DNAI4: variants seen among roughly 807,000 people sequenced by gnomAD.
The protein encoded by DNAI4 is dynein axonemal intermediate chain 4.
In DNAI4, 85 loss-of-function variants were observed where a neutral mutation model predicts 105.8. The observed-to-expected ratio is 0.80, with a 90% CI of 0.67 to 0.96. DNAI4 has a LOEUF of 0.96. Ranked by LOEUF, DNAI4 falls within the 40% of genes least tolerant of loss-of-function variation. The pLI is 0.00. For synonymous variants in DNAI4, 352 were observed against 331.5 expected, an observed-to-expected ratio of 1.06 and a Z score of -0.67; for missense variants, 1,014 against 1,005.6, an observed-to-expected ratio of 1.01 and a Z score of -0.11.
chr1:66,829,777 T>C (rs554175714), intron 13 of DNAI4, among the ~76,000 whole-genome samples: 60 of 152,324 alleles, frequency 3.9e-4, no homozygotes, highest in African/African-American at 1.4e-3. Flanking sequence ...TTTTCTCAAG[T>C]ATACAGGGAA....
chr1:66,847,507 T>C lies in DNAI4; in HGVS notation c.1268A>G (p.Tyr423Cys), dbSNP rs1356420783. Residue 423 changes from tyrosine (Y) to cysteine (C), a missense_variant, in exon 8 of 17, where the codon TAT becomes TGT. Tyr to Cys is a radical substitution (Grantham distance 194). Transcript: ENST00000371026. The part of the protein sequence containing the change: ...ENIFQPKLAA[Y>C]RQLPVLKEPE... Reference sequence around the variant, plus strand: ...ACCTTTTAAAACAGGAAGCTGACGATAAGCTGCAAGTTTGGGCTGAAATAT... The same window carrying C: ...ACCTTTTAAAACAGGAAGCTGACGACAAGCTGCAAGTTTGGGCTGAAATAT... 6.2e-7 allele frequency: 1 copy of C among 1,613,256 alleles called. No homozygotes were observed. The highest frequency in any genetic ancestry group is 2.2e-5 in the East Asian group (1 of 44,838).
Position 66,871,372 on chromosome 1 carries a change from T to G in DNAI4, c.938A>C (p.Lys313Thr), listed in dbSNP as rs1226869489. 1.2e-6 allele frequency: 2 copies of G among 1,604,254 alleles called. No homozygotes were observed. Among genetic ancestry groups the G allele is most frequent in the African/African-American group, 2.7e-5 (2 of 74,660 alleles). The change falls in exon 6 of 17, where the codon AAA (lysine) becomes ACA (threonine). Residue 313 changes from lysine to threonine, a missense_variant and splice_region_variant. Physicochemically the swap from Lys to Thr is moderately conservative, Grantham distance 78. Coordinates refer to ENST00000371026, the MANE Select transcript of DNAI4 (RefSeq NM_024763.5). ...TCAAGCAGAATGATAGAAATTACCTTTATCTTCCATTATGATTTTATCACA... is the reference window on the plus strand; with the variant it reads ...TCAAGCAGAATGATAGAAATTACCTGTATCTTCCATTATGATTTTATCACA... The part of the protein sequence containing the change: ...VQCDKIIMED[K>T]GIMSTAWDLY...
chr1:66,848,571 TATAG>T (rs991563222), intron 7 of DNAI4, among the ~76,000 whole-genome samples: 4 of 152,236 alleles, frequency 2.6e-5, no homozygotes, highest in African/African-American at 9.6e-5. Context: ...TCTTTATCTT[TATAG>T]ATAGAGGGAG....
rs1247785133 is a variant in DNAI4 at position 66,916,094 on chromosome 1, A to AAG, written c.170+8567_170+8568insCT. ...AGCAAGACTCTGTCTAAAAAAAAAAAAAAAAAAAGAATCCCATATGGTAAA... is the reference window on the plus strand; with the variant it reads ...AGCAAGACTCTGTCTAAAAAAAAAAAAGAAAAAAAAGAATCCCATATGGTAAA... On this transcript the variant is annotated intron_variant, in intron 1 of 16. Transcript: ENST00000371026. Among the ~76,000 whole-genome samples, 8 of 151,610 alleles carry AAG rather than the reference A, an allele frequency of 5.3e-5. No individual in the cohort carries two copies. In the East Asian group the frequency reaches 1.6e-3, roughly 29 times the overall value.
intron 1 of DNAI4, among the ~76,000 whole-genome samples, chr1:66,906,135 C>G (rs1013133578): frequency 6.6e-5 from 10 of 151,934 alleles, no homozygotes; most frequent in African/African-American, 2.4e-4. Context: ...GTTGGCCAGG[C>G]TAGTCTCAAA....
rs57920483 is a variant in DNAI4 at position 66,816,727 on chromosome 1, T to TCA, written c.2497-2549_2497-2548dup. On this transcript the variant is annotated intron_variant, in intron 16 of 16. Transcript: ENST00000371026. ...AAAATTATTCTTACCAGCCTTGAAA[T>TCA]CACACACACACACACACACACACAC... Among the ~76,000 whole-genome samples, 1,112 of 137,748 alleles carry TCA rather than the reference T, an allele frequency of 8.1e-3. 10 individuals carry two copies. The highest frequency in any genetic ancestry group is 0.026 in the Middle Eastern group (7 of 274). The allele number at this position is 137,748 out of a possible 152,430, so 90.4% of individuals were successfully genotyped here. A position where few individuals can be genotyped will look rare whatever the true frequency, so the allele number is the denominator to read the frequency against.
chr1:66,838,929 C>T (rs1033280972), intron 9 of DNAI4, among the ~76,000 whole-genome samples: 4 of 152,136 alleles, frequency 2.6e-5, no homozygotes, highest in African/African-American at 4.8e-5. Context: ...GTATCTCTAG[C>T]GCCTTAACAG....
intron 16 of DNAI4, among the ~76,000 whole-genome samples, chr1:66,816,672 T>G (rs1011105627): frequency 2.0e-5 from 3 of 150,736 alleles, no homozygotes; most frequent in Admixed American, 6.7e-5. Flanking sequence ...TTATATTTAT[T>G]TACTAACAAT....
At chr1:66,914,824 A>G (rs1259823350) in intron 1 of DNAI4, among the ~76,000 whole-genome samples, 1 of 152,222 alleles carries the variant, frequency 6.6e-6, no homozygotes, top group Non-Finnish European at 1.5e-5. Context: ...AAAATATATA[A>G]AAGAGCTCTA....
chr1:66,881,464 G>A (rs960508980), intron 4 of DNAI4, among the ~76,000 whole-genome samples: 8 of 152,200 alleles, frequency 5.3e-5, no homozygotes, highest in African/African-American at 1.2e-4. Flanking sequence ...TGCAAGATAC[G>A]GAGTGAAAAG....
rs1349425498 is a variant in DNAI4 at position 66,836,260 on chromosome 1, GAA to G, written c.1582-485_1582-484del. Among the ~76,000 whole-genome samples, 161 of 16,320 alleles carry G rather than the reference GAA, an allele frequency of 9.9e-3. 1 individual carries two copies. The highest frequency in any genetic ancestry group is 0.04 in the East Asian group (11 of 272). 10.7% of individuals were successfully genotyped at this position (16,320 alleles called of 152,430 possible). On this transcript the variant is annotated intron_variant, in intron 10 of 16. Transcript: ENST00000371026. ...AAAGAAAGAAAGAGAGAGAGAGAAA[GAA>G]AGAAAGAAAGAAAGAAAGAAAGAAA...
chr1:66,820,260 C>A (rs988289157), intron 16 of DNAI4, among the ~76,000 whole-genome samples: 1 of 151,730 alleles, frequency 6.6e-6, no homozygotes, highest in Non-Finnish European at 1.5e-5. Flanking sequence ...AAAAAAAATA[C>A]AGATGATATG....
rs1553227670 is a variant in DNAI4 at position 66,893,081 on chromosome 1, G to GAA, written c.530+146_530+147dup. ...AGAGAGAGAGAAAGAAAGAAAGAAA[G>GAA]AAAGAAAGAAAGAAAGAAAGAAAGA... On this transcript the variant is annotated intron_variant, in intron 3 of 16. Coordinates refer to ENST00000371026, the MANE Select transcript of DNAI4 (RefSeq NM_024763.5). 26 of 384,020 alleles carry GAA rather than the reference G, an allele frequency of 6.8e-5. 1 individual carries two copies. Among genetic ancestry groups the GAA allele is most frequent in the African/African-American group, 6.7e-5 (3 of 44,652 alleles). The allele number at this position is 384,020 out of a possible 1,614,324, so 23.8% of individuals were successfully genotyped here. A position where few individuals can be genotyped will look rare whatever the true frequency, so the allele number is the denominator to read the frequency against.
intron 7 of DNAI4, among the ~76,000 whole-genome samples, chr1:66,855,143 G>A (rs1646473616): frequency 6.6e-6 from 1 of 152,074 alleles, no homozygotes; most frequent in African/African-American, 2.4e-5. Context: ...AATTACCCAG[G>A]GCCAGCTACC....
At chr1:66,905,947 G>A (rs760339761) in intron 1 of DNAI4, among the ~76,000 whole-genome samples, 11 of 88,780 alleles carry the variant, frequency 1.2e-4, no homozygotes, top group Non-Finnish European at 2.4e-4. Flanking sequence ...TTTTTGAGAC[G>A]GAGTCTCGCT....
At chr1:66,852,264 C>T (rs906392239) in intron 7 of DNAI4, among the ~76,000 whole-genome samples, 2 of 151,442 alleles carry the variant, frequency 1.3e-5, no homozygotes, top group African/African-American at 4.8e-5. Context: ...AAAAAATCAC[C>T]AAGCATGGAT....
At chr1:66,828,157 C>A (rs77954129) in intron 13 of DNAI4, 8 of 227,166 alleles carry the variant, frequency 3.5e-5, no homozygotes, top group Non-Finnish European at 6.8e-5. Flanking sequence ...CATTTAATAT[C>A]CTGTATGGAA....
chr1:66,900,230 T>G lies in DNAI4; in HGVS notation c.345+4971A>C, dbSNP rs145084317. Among the ~76,000 whole-genome samples, 643 of 152,116 alleles carry G rather than the reference T, an allele frequency of 4.2e-3. 4 individuals are homozygous for G. The highest frequency in any genetic ancestry group is 0.014 in the African/African-American group (596 of 41,496). Reference sequence around the variant, plus strand: ...GATTCTTCTGCCTCTGCCTCCCGAGTAGCTGGGATTACAGGCATGCACCAC... The same window carrying G: ...GATTCTTCTGCCTCTGCCTCCCGAGGAGCTGGGATTACAGGCATGCACCAC... On this transcript the variant is annotated intron_variant, in intron 2 of 16. Coordinates refer to ENST00000371026, the MANE Select transcript of DNAI4 (RefSeq NM_024763.5).
In DNAI4 at chr1:66,826,827, T is replaced by C. The variant is rs1645764635; in HGVS notation, c.2332A>G (p.Ile778Val). 6.2e-7 allele frequency: 1 copy of C among 1,613,922 alleles called. No individual in the cohort carries two copies. The highest frequency in any genetic ancestry group is 8.5e-7 in the Non-Finnish European group (1 of 1,179,956). The part of the protein sequence containing the change: ...ENRVEIWDLH[I>V]STLDPLIVNT... The stretch of plus-strand genomic sequence containing the variant: ...AGAAAAATAGTAACTTACGTGCTGA[T>C]ATGAAGGTCCCAAATCTCCACCCTG... The change falls in exon 15 of 17, where the codon ATC becomes GTC. Residue 778 changes from isoleucine to valine, a missense_variant. Transcript: ENST00000371026.
Sources: gnomAD v4.1 joint callset for allele counts (sites outside exome capture counted in the v4.1 genomes callset) on GRCh38, gnomAD v4.1.1 for gene constraint, MANE v1.5 for transcripts, NCBI Gene and HGNC (gene_info 2026-07-23, HGNC 2026-07-21) for gene names.